Variants in ATF7IP observed in about 807,000 individuals in gnomAD.
ATF7IP encodes activating transcription factor 7-interacting protein 1.
In ATF7IP, 23 loss-of-function variants were observed where a neutral mutation model predicts 106.4. The observed-to-expected ratio is 0.22, with a 90% CI of 0.16 to 0.31. The LOEUF (loss-of-function observed/expected upper bound fraction) is 0.31, where lower values mean the gene tolerates loss of function less well. ATF7IP is among the 10% of genes least tolerant of loss of function. The probability of loss-of-function intolerance (pLI) is 1.00; values close to 1 mark genes in which losing one functional copy is unlikely to be tolerated. For synonymous variants in ATF7IP, 542 were observed against 539.0 expected (o/e 1.01, Z -0.08); for missense variants, 1,334 against 1,524.3 (o/e 0.88, Z 2.08).
intron 2 of ATF7IP, 109 bp downstream of exon 2, chr12:14,425,582 A>C (rs766286672): frequency 8.8e-7 from 1 of 1,140,340 alleles, no homozygotes; most frequent in Non-Finnish European, 1.2e-6. Context: ...GAAAGTTGAG[A>C]ATGGTGATGA....
chr12:14,497,866 T>C lies in ATF7IP; in HGVS notation c.3606T>C (p.His1202=), dbSNP rs1945059237. The C allele has an allele frequency of 1.2e-6, 2 of 1,614,160 alleles. No individual in the cohort carries two copies. Among genetic ancestry groups the C allele is most frequent in the Non-Finnish European group, 1.7e-6 (2 of 1,180,032 alleles). ...ATAGCTACCATCTCTATGCTTACCATGAGGAACCCAGTGCCACTGTGCCCT... is the reference window on the plus strand; with the variant it reads ...ATAGCTACCATCTCTATGCTTACCACGAGGAACCCAGTGCCACTGTGCCCT... The part of the protein sequence containing the change: ...TVDSYHLYAY[H]EEPSATVPSQ... Residue 1202 remains histidine, a synonymous_variant, in exon 15 of 15, where the codon CAT becomes CAC. Coordinates refer to ENST00000261168, the MANE Select transcript of ATF7IP (RefSeq NM_018179.5).
intron 13 of ATF7IP, 79 bp downstream of exon 13, chr12:14,481,264 G>C (rs1022472993): frequency 2.0e-6 from 3 of 1,496,894 alleles, no homozygotes; most frequent in Non-Finnish European, 2.7e-6. Flanking sequence ...ATATAATAAT[G>C]TTAAATTTTG....
Position 14,425,481 on chromosome 12 carries a change from T to C in ATF7IP, c.1558+8T>C. Reference sequence around the variant, plus strand: ...ATGAAACGTGCTCTCCAGGTTAGCATATAACTTAAATGTTAAAGATTTTTT... The same window carrying C: ...ATGAAACGTGCTCTCCAGGTTAGCACATAACTTAAATGTTAAAGATTTTTT... On this transcript the variant is annotated splice_region_variant and intron_variant, in intron 2 of 14. Coordinates refer to ENST00000261168, the MANE Select transcript of ATF7IP (RefSeq NM_018179.5). The C allele has an allele frequency of 1.3e-5, 19 of 1,512,630 alleles. No homozygotes were observed. Among genetic ancestry groups the C allele is most frequent in the Non-Finnish European group, 1.7e-5 (19 of 1,133,652 alleles). The allele number at this position is 1,512,630 out of a possible 1,614,324, so 93.7% of individuals were successfully genotyped here. A position where few individuals can be genotyped will look rare whatever the true frequency, so the allele number is the denominator to read the frequency against.
intron 1 of ATF7IP, among the ~76,000 whole-genome samples, chr12:14,412,699 T>C (rs527578954): frequency 4.1e-4 from 62 of 152,224 alleles, no homozygotes; most frequent in Non-Finnish European, 7.8e-4. Context: ...ATAAAAATAG[T>C]TCTTTCTTTT....
intron 2 of ATF7IP, among the ~76,000 whole-genome samples, chr12:14,431,557 G>T (rs1942137895): frequency 6.6e-6 from 1 of 151,986 alleles, no homozygotes; most frequent in South Asian, 2.1e-4. Context: ...ACTACATACA[G>T]CTAATTTTTT....
intron 12 of ATF7IP, 69 bp from the exon 13 acceptor site, chr12:14,480,934 G>T: frequency 1.5e-6 from 2 of 1,349,546 alleles, no homozygotes; most frequent in African/African-American, 1.5e-5. Flanking sequence ...AAAGATAACT[G>T]CCATTTAATA....
intron 7 of ATF7IP, 48 bp downstream of exon 7, chr12:14,456,682 A>C (rs202175658): frequency 3.7e-6 from 5 of 1,334,786 alleles, no homozygotes; most frequent in South Asian, 1.2e-5. Context: ...ACAAAGTTCT[A>C]CTTTCTTTAT....
chr12:14,389,506 T>C (rs1939428467), intron 1 of ATF7IP, among the ~76,000 whole-genome samples: 1 of 152,166 alleles, frequency 6.6e-6, no homozygotes, highest in East Asian at 1.9e-4. Flanking sequence ...TCAGTACAAA[T>C]AAGAATCATA....
chr12:14,423,431 C>T (rs1257981300), intron 1 of ATF7IP, among the ~76,000 whole-genome samples: 2 of 151,892 alleles, frequency 1.3e-5, no homozygotes, highest in African/African-American at 4.8e-5. Context: ...TATAGTTCTG[C>T]CAATCTAAGT....
chr12:14,449,996 T>G (rs561578205), intron 6 of ATF7IP, among the ~76,000 whole-genome samples: 157 of 152,302 alleles, frequency 1.0e-3, no homozygotes, highest in African/African-American at 3.6e-3. Context: ...TTTTATAGTT[T>G]ATAGATATGC....
chr12:14,496,092 C>T, intron 13 of ATF7IP, 139 bp from the exon 14 acceptor site: 1 of 591,922 alleles, frequency 1.7e-6, no homozygotes, highest in South Asian at 2.4e-5. Context: ...TGAATACGAA[C>T]AGGACCTCTA....
rs141529532 is a variant in ATF7IP at position 14,475,937 on chromosome 12, A to G, written c.2910A>G (p.Thr970=). Residue 970 remains threonine (T), a synonymous_variant, in exon 11 of 15, where the codon ACA becomes ACG. Transcript: ENST00000261168. The part of the protein sequence containing the change: ...GSDSSGVIDL[T]MDDEESGASQ... Reference sequence around the variant, plus strand: ...ATTCAAGTGGTGTCATTGATCTCACAATGGATGATGAAGAGAGTGGAGCTT... The same window carrying G: ...ATTCAAGTGGTGTCATTGATCTCACGATGGATGATGAAGAGAGTGGAGCTT... 6.8e-6 allele frequency: 11 copies of G among 1,613,850 alleles called. No individual in the cohort carries two copies. The African/African-American group carries it at 1.5e-4, about 22-fold the overall frequency.
chr12:14,408,796 G>A (rs1191332593), intron 1 of ATF7IP, among the ~76,000 whole-genome samples: 1 of 152,112 alleles, frequency 6.6e-6, no homozygotes. Context: ...TAGTTTACAA[G>A]TCTGTTAAAA....
chr12:14,390,274 G>A (rs989652372), intron 1 of ATF7IP, among the ~76,000 whole-genome samples: 1 of 152,146 alleles, frequency 6.6e-6, no homozygotes, highest in African/African-American at 2.4e-5. Flanking sequence ...AATATATAAA[G>A]TCAGTTTACT....
At position 14,498,095 on chromosome 12, in the gene ATF7IP, C is replaced by T. The variant is rs936399191; in HGVS notation, c.*22C>T. Reference sequence around the variant, plus strand: ...TTAAACCTTGGAGCCTTTATATTTTCCTCTTTTAAAATTTCCACCTTTTGG... The same window carrying T: ...TTAAACCTTGGAGCCTTTATATTTTTCTCTTTTAAAATTTCCACCTTTTGG... On this transcript the variant is annotated 3_prime_UTR_variant, in exon 15 of 15. Transcript: ENST00000261168. 10 of 1,530,048 alleles carry T rather than the reference C, an allele frequency of 6.5e-6. No homozygotes were observed. The highest frequency in any genetic ancestry group is 2.8e-5 in the African/African-American group (2 of 71,914). The allele number at this position is 1,530,048 out of a possible 1,614,324, so 94.8% of individuals were successfully genotyped here. A position where few individuals can be genotyped will look rare whatever the true frequency, so the allele number is the denominator to read the frequency against.
At chr12:14,402,586 A>T (rs1159272841) in intron 1 of ATF7IP, among the ~76,000 whole-genome samples, 1 of 148,476 alleles carries the variant, frequency 6.7e-6, no homozygotes, top group African/African-American at 2.5e-5. Context: ...GTGTTTCTAG[A>T]TACATTTTTC....
chr12:14,425,510 G>A (rs200851181), intron 2 of ATF7IP, 37 bp downstream of exon 2: 24 of 1,483,142 alleles, frequency 1.6e-5, no homozygotes, highest in South Asian at 1.5e-4. Context: ...ATTTTTTATT[G>A]ACTTTGATGA....
At chr12:14,384,405 A>G (rs1045323271) in intron 1 of ATF7IP, among the ~76,000 whole-genome samples, 3 of 152,184 alleles carry the variant, frequency 2.0e-5, no homozygotes, top group Non-Finnish European at 2.9e-5. Context: ...TCTTGCTAAT[A>G]TATCTATTAG....
chr12:14,447,126 G>T, intron 6 of ATF7IP, 73 bp downstream of exon 6: 2 of 1,209,060 alleles, frequency 1.7e-6, no homozygotes, highest in Admixed American at 2.3e-5. Context: ...TGAATTAGGA[G>T]GAAACTGTAT....
Sources: allele counts gnomAD v4.1 joint callset (sites outside exome capture counted in the v4.1 genomes callset), GRCh38; gene constraint gnomAD v4.1.1; transcripts MANE v1.5; gene names NCBI Gene and HGNC (gene_info 2026-07-23, HGNC 2026-07-21).